Variants in HECTD4 observed in about 807,000 individuals in gnomAD.
The protein encoded by HECTD4 is probable E3 ubiquitin-protein ligase HECTD4.
Under a neutral mutation model 471.5 loss-of-function variants are expected in HECTD4, and 114 were observed. That is an observed-to-expected ratio of 0.24 (90% CI 0.21 to 0.28). The LOEUF is 0.28. Ranked by LOEUF, HECTD4 falls within the 10% of genes least tolerant of loss-of-function variation. The pLI, the probability that HECTD4 is intolerant of heterozygous loss-of-function variation, is 1.00. For missense variants in HECTD4, 3,866 were observed against 5,651.5 expected (o/e 0.68, Z 10.13); for synonymous variants, 2,012 against 2,256.0 (o/e 0.89, Z 3.07).
Position 112,243,829 on chromosome 12 carries a change from A to G in HECTD4, c.4649+45T>C, listed in dbSNP as rs1181537388. Reference sequence around the variant, plus strand: ...TCAGGGAGCTTGTTTTGATGAATGCATTCAGCTGCATGTGGGAACCCAACC... The same window carrying G: ...TCAGGGAGCTTGTTTTGATGAATGCGTTCAGCTGCATGTGGGAACCCAACC... On this transcript the variant is annotated intron_variant, in intron 30 of 75. Coordinates refer to ENST00000682272, the MANE Select transcript of HECTD4 (RefSeq NM_001388303.1). The surrounding 1 kb of genome is among the most constrained non-coding windows in gnomAD (Gnocchi z 6.6). 5 of 1,611,520 alleles carry G rather than the reference A, an allele frequency of 3.1e-6. No individual in the cohort carries two copies. The South Asian group carries it at 5.5e-5, about 18-fold the overall frequency.
At chr12:112,207,116 GTGTATGTATGTATGTA>G (rs149725381) in intron 52 of HECTD4, among the ~76,000 whole-genome samples, 5 of 147,332 alleles carry the variant, frequency 3.4e-5, no homozygotes, top group South Asian at 4.2e-4. Context: ...ATGTGTGTGT[GTGTATGTATGTATGTA>G]TGTATGTATG....
intron 7 of HECTD4, among the ~76,000 whole-genome samples, chr12:112,302,978 C>CTTTT (rs3031817): frequency 1.7e-5 from 2 of 120,698 alleles, no homozygotes; most frequent in South Asian, 2.7e-4. Context: ...TTTGTCTGCT[C>CTTTT]TTTTTTTTTT....
At chr12:112,182,487 A>G (rs535780611) in intron 62 of HECTD4, among the ~76,000 whole-genome samples, 1 of 152,200 alleles carries the variant, frequency 6.6e-6, no homozygotes, top group South Asian at 2.1e-4. Context: ...GAAAAAAGGG[A>G]CGGAACTGTT....
intron 17 of HECTD4, 48 bp from the exon 18 acceptor site, chr12:112,261,477 T>C: frequency 1.3e-6 from 2 of 1,518,270 alleles, no homozygotes; most frequent in Non-Finnish European, 1.8e-6. Context: ...GTGATGAACA[T>C]ACGTTCACAA....
At chr12:112,210,633 C>T (rs2032735208) in intron 49 of HECTD4, among the ~76,000 whole-genome samples, 1 of 152,226 alleles carries the variant, frequency 6.6e-6, no homozygotes, top group South Asian at 2.1e-4. Context: ...ATATTCCAGA[C>T]CTGGCTCAAG....
At chr12:112,290,804 C>T (rs965487463) in intron 7 of HECTD4, among the ~76,000 whole-genome samples, 3 of 145,020 alleles carry the variant, frequency 2.1e-5, no homozygotes, top group Non-Finnish European at 4.4e-5. Context: ...GCTGAGATCA[C>T]ACCATTGCAC....
In HECTD4 at chr12:112,213,681, G is replaced by GT. The variant is rs1294032193; in HGVS notation, c.7466-1032dup. Among the ~76,000 whole-genome samples the GT allele has an allele frequency of 7.0e-6, 1 of 143,754 alleles. No homozygotes were observed. Among genetic ancestry groups the GT allele is most frequent in the Non-Finnish European group, 1.5e-5 (1 of 66,908 alleles). The allele number at this position is 143,754 out of a possible 152,430, so 94.3% of individuals were successfully genotyped here. On this transcript the variant is annotated intron_variant, in intron 48 of 75. Transcript: ENST00000682272. This position sits in a 1 kb window ranked among gnomAD's most constrained non-coding sequence, Gnocchi z 4.0. ...AGCCTGGGCGACAGAGCAAGACTCCGTCTCAAAAAAATATATACATATATA... is the reference window on the plus strand; with the variant it reads ...AGCCTGGGCGACAGAGCAAGACTCCGTTCTCAAAAAAATATATACATATATA...
At chr12:112,331,982 T>G (rs1343919437) in intron 1 of HECTD4, among the ~76,000 whole-genome samples, 3 of 152,104 alleles carry the variant, frequency 2.0e-5, no homozygotes, top group Non-Finnish European at 2.9e-5. Flanking sequence ...GAAGATGATT[T>G]GACTAATCTG....
intron 1 of HECTD4, among the ~76,000 whole-genome samples, chr12:112,355,800 T>C (rs963385796): frequency 2.6e-5 from 4 of 152,116 alleles, no homozygotes; most frequent in African/African-American, 9.6e-5. Context: ...TAAAATAAAA[T>C]GTGCCATTCT....
At chr12:112,252,682 T>C (rs947214658) in intron 22 of HECTD4, 154 bp from the exon 23 acceptor site, 25 of 873,904 alleles carry the variant, frequency 2.9e-5, no homozygotes, top group Non-Finnish European at 3.3e-5. Context: ...CTATTCCCTC[T>C]CATTTAGACA....
In HECTD4 at chr12:112,162,327, G is replaced by A; in HGVS notation, c.*60C>T. 6.2e-7 allele frequency: 1 copy of A among 1,607,664 alleles called. No individual in the cohort carries two copies. Among genetic ancestry groups the A allele is most frequent in the South Asian group, 1.1e-5 (1 of 90,696 alleles). ...CCTGGAGGGACGGGCCGCAGTGGTG[G>A]CTTCCCAAGCCAGCAGAGTGGGTGC... On this transcript the variant is annotated 3_prime_UTR_variant, in exon 76 of 76. Coordinates refer to ENST00000682272, the MANE Select transcript of HECTD4 (RefSeq NM_001388303.1). The surrounding 1 kb of genome is among the most constrained non-coding windows in gnomAD (Gnocchi z 5.2).
intron 7 of HECTD4, among the ~76,000 whole-genome samples, chr12:112,287,277 T>C (rs1316152493): frequency 1.3e-5 from 2 of 152,200 alleles, no homozygotes; most frequent in African/African-American, 2.4e-5. Flanking sequence ...CCACTTCCCA[T>C]ACTCTAATAT....
Position 112,313,025 on chromosome 12 carries a change from T to C in HECTD4, c.908A>G (p.Glu303Gly). The C allele has an allele frequency of 6.5e-7, 1 of 1,535,418 alleles. No homozygotes were observed. Among genetic ancestry groups the C allele is most frequent in the Non-Finnish European group, 8.7e-7 (1 of 1,146,604 alleles). Reference protein sequence around the residue: ...APDSNTGSSSENKDADLGRCL... With the variant: ...APDSNTGSSSGNKDADLGRCL... ...AAAAACTTTTACATTACCTTTATTT[T>C]CAGAACTGGAGCCAGTGTTGCTATC... is the stretch of plus-strand genomic sequence containing the variant. Residue 303 changes from glutamate (E) to glycine (G), a missense_variant, in exon 4 of 76, where the codon GAA becomes GGA. Glu to Gly is a moderately conservative substitution (Grantham distance 98). Coordinates refer to ENST00000682272, the MANE Select transcript of HECTD4 (RefSeq NM_001388303.1).
intron 20 of HECTD4, among the ~76,000 whole-genome samples, chr12:112,257,519 C>A (rs931983087): frequency 3.9e-5 from 6 of 152,212 alleles, no homozygotes; most frequent in Admixed American, 1.3e-4. Context: ...CTCTTTGTAA[C>A]CACTCCATTT....
At chr12:112,323,965 T>TCTTCCTTCCTTC (rs1248538588) in intron 1 of HECTD4, among the ~76,000 whole-genome samples, 3 of 43,992 alleles carry the variant, frequency 6.8e-5, no homozygotes, top group African/African-American at 8.9e-5. Context: ...TTTCTTTCTT[T>TCTTCCTTCCTTC]CTTCCTTCCT....
rs939051076 is a variant in HECTD4, at chr12:112,381,774, G to C, written c.177+178C>G. On this transcript the variant is annotated intron_variant, in intron 1 of 75. Coordinates refer to ENST00000682272, the MANE Select transcript of HECTD4 (RefSeq NM_001388303.1). The surrounding 1 kb of genome is among the most constrained non-coding windows in gnomAD (Gnocchi z 4.1). ...CCGAGGAGGGAGGGAGGGAGAGCGG[G>C]GCGGGCGGTCCGCAGACCTGCGGCC... is the stretch of plus-strand genomic sequence containing the variant. Among the ~76,000 whole-genome samples the C allele has an allele frequency of 3.3e-5, 5 of 151,998 alleles. No homozygotes were observed. Among genetic ancestry groups the C allele is most frequent in the Admixed American group, 2.0e-4 (3 of 15,284 alleles).
chr12:112,289,253 C>CCA (rs2034824477), intron 7 of HECTD4, among the ~76,000 whole-genome samples: 1 of 152,148 alleles, frequency 6.6e-6, no homozygotes, highest in Non-Finnish European at 1.5e-5. Flanking sequence ...GTGTGAACCA[C>CCA]CACACCCAGC....
chr12:112,304,238 ATT>A (rs760947859), intron 7 of HECTD4, among the ~76,000 whole-genome samples: 26 of 104,384 alleles, frequency 2.5e-4, no homozygotes, highest in African/African-American at 5.3e-4. Flanking sequence ...TAAAGACCTA[ATT>A]TTTTTTTTTT....
chr12:112,356,925 T>C (rs1353395643), intron 1 of HECTD4, among the ~76,000 whole-genome samples: 1 of 152,212 alleles, frequency 6.6e-6, no homozygotes, highest in Non-Finnish European at 1.5e-5. Flanking sequence ...CTCTAAATGT[T>C]TACTCTCTGT....
Sources: gnomAD v4.1 joint callset for allele counts (sites outside exome capture counted in the v4.1 genomes callset) on GRCh38, gnomAD v4.1.1 for gene constraint, Gnocchi (gnomAD v3.1) non-coding constraint, MANE v1.5 for transcripts, NCBI Gene and HGNC (gene_info 2026-07-23, HGNC 2026-07-21) for gene names.